Variants in PELP1 observed in about 807,000 individuals in gnomAD.
PELP1 encodes the protein proline, glutamate and leucine rich protein 1.
Under a neutral mutation model 95.5 loss-of-function variants are expected in PELP1, and 32 were observed. The ratio of observed to expected loss-of-function variants is 0.34; its 90% CI spans 0.25 to 0.45. The LOEUF is 0.45. Among genes scored for constraint, PELP1 ranks in the 20% least tolerant of loss-of-function variants. The pLI is 1.00. For synonymous variants in PELP1, 668 were observed against 600.1 expected (o/e 1.11, Z -1.65); for missense variants, 1,358 against 1,444.8 (o/e 0.94, Z 0.97).
intron 3 of PELP1, among the ~76,000 whole-genome samples, chr17:4,683,315 G>C (rs1235671244): frequency 6.6e-6 from 1 of 150,498 alleles, no homozygotes; most frequent in Non-Finnish European, 1.5e-5. Context: ...CCGCCTCCCG[G>C]GTTCACGCCA....
intron 13 of PELP1, among the ~76,000 whole-genome samples, chr17:4,674,148 T>C (rs1912351504): frequency 1.3e-5 from 2 of 152,144 alleles, no homozygotes; most frequent in South Asian, 4.1e-4. Context: ...TGATAGAAAG[T>C]GGATACACCA....
At chr17:4,698,854 T>G (rs535705135) in intron 1 of PELP1, among the ~76,000 whole-genome samples, 1 of 152,256 alleles carries the variant, frequency 6.6e-6, no homozygotes, top group African/African-American at 2.4e-5. Flanking sequence ...TGATAGAGTA[T>G]GATTATGTAA....
Position 4,704,083 on chromosome 17 carries a change from G to C in PELP1, c.29C>G (p.Ser10Cys), listed in dbSNP as rs773079944. The change falls in exon 1 of 17, where the codon TCT becomes TGT. Residue 10 changes from serine to cysteine, a missense_variant. Ser to Cys is a moderately radical substitution (Grantham distance 112, BLOSUM62 -1). Coordinates refer to ENST00000572293, the MANE Select transcript of PELP1 (RefSeq NM_014389.3). ...AGGAACCCCAGCCGCGGAGCCCGCA[G>C]AGGGCCCACTCAGAACGGCTGCCGC... MAAAVLSGP[S>C]AGSAAGVPGG... is the part of the protein sequence containing the mutation. 2.5e-6 allele frequency: 4 copies of C among 1,610,884 alleles called. No homozygotes were observed. In the African/African-American group the frequency reaches 5.3e-5, roughly 22 times the overall value.
At position 4,682,489 on chromosome 17, in the gene PELP1, CAT is replaced by C. The variant is rs746155909; in HGVS notation, c.642+11_642+12del. 2.3e-5 allele frequency: 36 copies of C among 1,563,440 alleles called. No individual in the cohort carries two copies. The highest frequency in any genetic ancestry group is 2.0e-4 in the South Asian group (18 of 90,048). The stretch of plus-strand genomic sequence containing the variant: ...GCTTACACTGGTGGGGAGAAGAGTG[CAT>C]AAATACTTACTTTGAGAGAACCACA... On this transcript the variant is annotated intron_variant, in intron 5 of 16. Coordinates refer to ENST00000572293, the MANE Select transcript of PELP1 (RefSeq NM_014389.3).
Position 4,672,951 on chromosome 17 carries a change from T to TGCTGAGGGCATGGAGCCC in PELP1, c.2022_2039dup (p.Ser676_Gly681dup). 1.2e-6 allele frequency: 2 copies of TGCTGAGGGCATGGAGCCC among 1,603,710 alleles called. No homozygotes were observed. Among genetic ancestry groups the TGCTGAGGGCATGGAGCCC allele is most frequent in the Non-Finnish European group, 1.7e-6 (2 of 1,174,352 alleles). ...TGGGGCCTGCTGAAGGCATGGGGCC[T>TGCTGAGGGCATGGAGCCC]GCTGAGGGCATGGAGCCCACTGAGG... On this transcript the variant is annotated inframe_insertion, in exon 16 of 17. Coordinates refer to ENST00000572293, the MANE Select transcript of PELP1 (RefSeq NM_014389.3).
At chr17:4,703,765 C>T in intron 1 of PELP1, 98 bp downstream of exon 1, 2 of 1,056,710 alleles carry the variant, frequency 1.9e-6, no homozygotes, top group South Asian at 1.6e-5. Flanking sequence ...CTCCTTCCTT[C>T]AACCTCCCTA....
At chr17:4,683,556 A>T in intron 3 of PELP1, among the ~76,000 whole-genome samples, 1 of 81,508 alleles carries the variant, frequency 1.2e-5, no homozygotes, top group Non-Finnish European at 2.6e-5. Flanking sequence ...TTTGAGACAG[A>T]GTCTTGCTCT....
chr17:4,697,060 C>T (rs191251930), intron 1 of PELP1, among the ~76,000 whole-genome samples: 34 of 152,196 alleles, frequency 2.2e-4, no homozygotes, highest in African/African-American at 8.2e-4. Flanking sequence ...AGGTGTGGGC[C>T]TTGAGACTGG....
intron 1 of PELP1, among the ~76,000 whole-genome samples, chr17:4,698,676 A>C (rs549924527): frequency 1.3e-5 from 2 of 151,538 alleles, no homozygotes; most frequent in South Asian, 4.2e-4. Flanking sequence ...ACAACAACAA[A>C]AAAAACAACT....
intron 3 of PELP1, chr17:4,683,160 T>C: frequency 9.5e-7 from 1 of 1,049,738 alleles, no homozygotes; most frequent in Non-Finnish European, 1.2e-6. Flanking sequence ...TAGGAATTTG[T>C]GTGGGGGAAA....
chr17:4,697,918 T>C (rs1304588419), intron 1 of PELP1, among the ~76,000 whole-genome samples: 1 of 150,550 alleles, frequency 6.6e-6, no homozygotes, highest in Non-Finnish European at 1.5e-5. Flanking sequence ...CATACCTTTA[T>C]AACAGTGAAG....
chr17:4,686,412 T>A (rs565315559), intron 3 of PELP1, among the ~76,000 whole-genome samples: 66 of 152,236 alleles, frequency 4.3e-4, no homozygotes, highest in Non-Finnish European at 7.9e-4. Context: ...TCCAAGCTAC[T>A]ATGAATGTTC....
intron 1 of PELP1, among the ~76,000 whole-genome samples, chr17:4,700,044 G>A (rs887735598): frequency 1.3e-5 from 2 of 151,726 alleles, no homozygotes; most frequent in African/African-American, 4.8e-5. Context: ...GGGATTACAG[G>A]ATTACAGATG....
intron 3 of PELP1, among the ~76,000 whole-genome samples, chr17:4,688,742 C>A (rs1254959519): frequency 6.6e-6 from 1 of 152,110 alleles, no homozygotes; most frequent in African/African-American, 2.4e-5. Context: ...TGGATAGGTA[C>A]AATCAATATT....
chr17:4,674,757 C>A (rs1251866017), intron 12 of PELP1, 52 bp downstream of exon 12: 3 of 1,588,588 alleles, frequency 1.9e-6, no homozygotes, highest in Non-Finnish European at 2.6e-6. Context: ...AGCAGGCACA[C>A]TTGGTCAAAG....
chr17:4,687,291 T>G (rs1373079187), intron 3 of PELP1, among the ~76,000 whole-genome samples: 1 of 152,194 alleles, frequency 6.6e-6, no homozygotes, highest in Non-Finnish European at 1.5e-5. Context: ...ACACCTGTAA[T>G]CCGAGCACTC....
chr17:4,672,698 AGGCT>A lies in PELP1; in HGVS notation c.2289_2292del (p.Ala764LeufsTer25). ...GCCTCCTCCTTGTCATAGTGGACAA[AGGCT>A]GGTCTGGGCACTCTCCCCCCAAAAG... On this transcript the variant is annotated frameshift_variant, in exon 16 of 17. Coordinates refer to ENST00000572293, the MANE Select transcript of PELP1 (RefSeq NM_014389.3). LOFTEE classifies it high-confidence loss of function. 6.2e-7 allele frequency: 1 copy of A among 1,613,420 alleles called. No individual in the cohort carries two copies.
At chr17:4,699,123 G>A (rs1411061067) in intron 1 of PELP1, among the ~76,000 whole-genome samples, 1 of 152,174 alleles carries the variant, frequency 6.6e-6, no homozygotes, top group Non-Finnish European at 1.5e-5. Context: ...GCTCAGGCCT[G>A]TAATCCCAGC....
At position 4,671,800 on chromosome 17, in the gene PELP1, A is replaced by C; in HGVS notation, c.3191T>G (p.Leu1064Arg). Reference protein sequence around the residue: ...VEEEPSAPPTLLEEETEDGSD... With the variant: ...VEEEPSAPPTRLEEETEDGSD... The stretch of plus-strand genomic sequence containing the variant: ...CCCATCCTCAGTCTCCTCTTCCAAC[A>C]GGGTTGGGGGAGCAGAGGGCTCTTC... Residue 1064 changes from leucine to arginine, a missense_variant, in exon 16 of 17, where the codon CTG becomes CGG. Coordinates refer to ENST00000572293, the MANE Select transcript of PELP1 (RefSeq NM_014389.3). 3.3e-6 allele frequency: 5 copies of C among 1,515,106 alleles called. No homozygotes were observed. Among genetic ancestry groups the C allele is most frequent in the Non-Finnish European group, 4.4e-6 (5 of 1,135,744 alleles). The allele number at this position is 1,515,106 out of a possible 1,614,324, so 93.9% of individuals were successfully genotyped here. A position where few individuals can be genotyped will look rare whatever the true frequency, so the allele number is the denominator to read the frequency against.
Sources: allele counts gnomAD v4.1 joint callset (sites outside exome capture counted in the v4.1 genomes callset), GRCh38; gene constraint gnomAD v4.1.1; transcripts MANE v1.5; gene names NCBI Gene and HGNC (gene_info 2026-07-23, HGNC 2026-07-21).